Variants in FCER2 observed in about 807,000 individuals in gnomAD.
FCER2 encodes the protein low affinity immunoglobulin epsilon Fc receptor.
FCER2 carries 38 observed loss-of-function variants against 49.7 expected under a neutral mutation model. The ratio of observed to expected loss-of-function variants is 0.76; its 90% CI spans 0.59 to 1.00. The LOEUF is 1.00. Among genes scored for constraint, FCER2 ranks in the 50% least tolerant of loss-of-function variants. FCER2 has a pLI of 0.00. For missense variants in FCER2, 425 were observed against 419.5 expected, an observed-to-expected ratio of 1.01 and a Z score of -0.11; for synonymous variants, 163 against 164.6, an observed-to-expected ratio of 0.99 and a Z score of 0.07.
At chr19:7,691,462 A>G (rs1168615094) in intron 8 of FCER2, among the ~76,000 whole-genome samples, 2 of 149,760 alleles carry the variant, frequency 1.3e-5, no homozygotes, top group Admixed American at 6.6e-5. Flanking sequence ...GAAGTGCCTC[A>G]ATAGCCACCA....
intron 4 of FCER2, 127 bp from the exon 5 acceptor site, chr19:7,697,716 A>G: frequency 1.4e-6 from 1 of 737,372 alleles, no homozygotes; most frequent in Non-Finnish European, 2.4e-6. Context: ...TTGTTCATTT[A>G]CTGGAGCAGG....
At chr19:7,701,401 G>A (rs565677376) in intron 1 of FCER2, among the ~76,000 whole-genome samples, 22 of 152,254 alleles carry the variant, frequency 1.4e-4, no homozygotes, top group African/African-American at 5.1e-4. Context: ...TGGATGAGCA[G>A]CTCAGTTTGC....
chr19:7,694,597 G>C (rs998535143), intron 8 of FCER2, among the ~76,000 whole-genome samples: 1 of 152,182 alleles, frequency 6.6e-6, no homozygotes, highest in Non-Finnish European at 1.5e-5. Flanking sequence ...TCATGGTCCA[G>C]AGTGCTCTTC....
At chr19:7,695,735 A>G (rs754960834) in intron 8 of FCER2, among the ~76,000 whole-genome samples, 1 of 152,080 alleles carries the variant, frequency 6.6e-6, no homozygotes, top group Non-Finnish European at 1.5e-5. Flanking sequence ...TGGGTAACAA[A>G]GTGAGACACT....
intron 8 of FCER2, among the ~76,000 whole-genome samples, chr19:7,692,041 C>A (rs1311190629): frequency 2.1e-5 from 3 of 142,852 alleles, no homozygotes; most frequent in Non-Finnish European, 3.1e-5. Context: ...TCCAACAACA[C>A]ATCAACTACC....
intron 3 of FCER2, 158 bp downstream of exon 3, chr19:7,698,583 G>A: frequency 2.0e-6 from 2 of 985,768 alleles, no homozygotes; most frequent in East Asian, 2.6e-5. Context: ...GGTGGGGGAT[G>A]GGAAAGGGCT....
chr19:7,690,876 C>T (rs1217695680), intron 8 of FCER2, among the ~76,000 whole-genome samples: 1 of 152,128 alleles, frequency 6.6e-6, no homozygotes, highest in Non-Finnish European at 1.5e-5. Flanking sequence ...CCACAAGCAC[C>T]AACACTGCCA....
At chr19:7,696,217 A>C (rs1297231353) in intron 8 of FCER2, among the ~76,000 whole-genome samples, 1 of 152,048 alleles carries the variant, frequency 6.6e-6, no homozygotes, top group Admixed American at 6.6e-5. Context: ...GTCCTGTCTC[A>C]GCCTCCCGAG....
At chr19:7,690,608 A>G (rs768342794) in intron 8 of FCER2, 51 bp from the exon 9 acceptor site, 1 of 1,584,596 alleles carries the variant, frequency 6.3e-7, no homozygotes, top group Non-Finnish European at 8.6e-7. Flanking sequence ...TGCCTTGGGC[A>G]CCCTGGGCAG....
intron 10 of FCER2, 121 bp from the exon 11 acceptor site, chr19:7,689,551 G>A (rs1471931943): frequency 1.6e-6 from 1 of 628,722 alleles, no homozygotes; most frequent in South Asian, 2.0e-5. Context: ...TCTGTGCCTG[G>A]GGACCGGTAC....
chr19:7,695,920 C>CTTTTTTTTTT, intron 8 of FCER2, among the ~76,000 whole-genome samples: 1 of 80,676 alleles, frequency 1.2e-5, no homozygotes, highest in East Asian at 3.8e-4. Flanking sequence ...CCATCTCTCT[C>CTTTTTTTTTT]TTTTTTTTTT....
Position 7,688,982 on chromosome 19 carries a change from G to C in FCER2, c.*211C>G. The C allele has an allele frequency of 1.7e-6, 1 of 586,254 alleles. No individual in the cohort carries two copies. The highest frequency in any genetic ancestry group is 3.1e-6 in the Non-Finnish European group (1 of 327,538). 36.3% of individuals were successfully genotyped at this position (586,254 alleles called of 1,614,324 possible). On this transcript the variant is annotated 3_prime_UTR_variant, in exon 11 of 11. Transcript: ENST00000597921. ...TGCTGTTGGGGTGTACTCTCATCTG[G>C]AGAGGGTGCTGTTGGGGGCACTCCC...
intron 9 of FCER2, 45 bp from the exon 10 acceptor site, chr19:7,690,310 G>C (rs1218588476): frequency 1.9e-6 from 3 of 1,608,134 alleles, no homozygotes; most frequent in Non-Finnish European, 2.6e-6. Context: ...ATGTGCCCGG[G>C]GCCTTCCAGC....
chr19:7,698,442 G>A (rs1270753311), intron 3 of FCER2, 33 bp from the exon 4 acceptor site: 6 of 1,561,214 alleles, frequency 3.8e-6, no homozygotes, highest in South Asian at 1.1e-5. Context: ...AGTGGAGAGG[G>A]GGGATTGTCA....
rs2032799722 is a variant in FCER2 at position 7,689,484 on chromosome 19, C to T, written c.729-54G>A. The T allele has an allele frequency of 3.4e-6, 4 of 1,175,854 alleles. No homozygotes were observed. The South Asian group carries it at 5.5e-5, about 16-fold the overall frequency. The allele number at this position is 1,175,854 out of a possible 1,614,324, so 72.8% of individuals were successfully genotyped here. On this transcript the variant is annotated intron_variant, in intron 10 of 10. Coordinates refer to ENST00000597921, the MANE Select transcript of FCER2 (RefSeq NM_001220500.2). ...TGGGGCGGGGAGAAGGAGCCCAGTT[C>T]CCGGCAGCCCTCTGAGTCTGCACCC...
chr19:7,698,451 C>A, intron 3 of FCER2, 42 bp from the exon 4 acceptor site: 1 of 1,491,358 alleles, frequency 6.7e-7, no homozygotes, highest in Non-Finnish European at 9.3e-7. Context: ...GGGGGATTGT[C>A]AGTGCCCCCA....
intron 8 of FCER2, among the ~76,000 whole-genome samples, chr19:7,690,979 G>A (rs903610537): frequency 1.4e-5 from 2 of 143,978 alleles, no homozygotes; most frequent in Admixed American, 6.9e-5. Context: ...GACACCTCAC[G>A]GCTAGAGGTC....
chr19:7,690,347 G>A lies in FCER2; in HGVS notation c.621+59C>T, dbSNP rs2032828232. The A allele has an allele frequency of 2.5e-6, 4 of 1,599,736 alleles. No individual in the cohort carries two copies. In the South Asian group the frequency reaches 3.3e-5, roughly 13 times the overall value. Reference sequence around the variant, plus strand: ...CACTTCGAGAGGTTGGGTAGAGTGGGGTGGGGGTCCCCCCACCCTCGCCAT... The same window carrying A: ...CACTTCGAGAGGTTGGGTAGAGTGGAGTGGGGGTCCCCCCACCCTCGCCAT... On this transcript the variant is annotated intron_variant, in intron 9 of 10. Transcript: ENST00000597921.
At chr19:7,696,797 C>T (rs1337439881) in intron 8 of FCER2, 28 bp downstream of exon 8, 5 of 1,535,822 alleles carry the variant, frequency 3.3e-6, no homozygotes, top group East Asian at 2.4e-5. Flanking sequence ...GGTCACGCGT[C>T]GTCCTGAGCA....
Sources: allele counts gnomAD v4.1 joint callset (sites outside exome capture counted in the v4.1 genomes callset), GRCh38; gene constraint gnomAD v4.1.1; transcripts MANE v1.5; gene names NCBI Gene and HGNC (gene_info 2026-07-23, HGNC 2026-07-21).